Variants in DENND5A observed in about 807,000 individuals in gnomAD.
The protein encoded by DENND5A is DENN domain-containing protein 5A.
DENND5A carries 64 observed loss-of-function variants against 140.3 expected under a neutral mutation model. The ratio of observed to expected loss-of-function variants is 0.46; its 90% confidence interval spans 0.37 to 0.56. The LOEUF (loss-of-function observed/expected upper bound fraction) is 0.56. Ranked by LOEUF, DENND5A falls within the 20% of genes least tolerant of loss-of-function variation. The probability of loss-of-function intolerance (pLI) is 0.00; values close to 1 mark genes in which losing one functional copy is unlikely to be tolerated. For missense variants in DENND5A, 1,292 were observed against 1,593.8 expected, an observed-to-expected ratio of 0.81 and a Z score of 3.22; for synonymous variants, 605 against 607.7, an observed-to-expected ratio of 1.00 and a Z score of 0.07.
rs1590204965 is a variant in DENND5A, at chr11:9,145,769, G to GC, written c.2903dup (p.Ser969LeufsTer17). ...TCCATGGGTTGGCAGTGAACATGGA[G>GC]CCCCCCAGCTTCTTGCTTGGTACGA... On this transcript the variant is annotated frameshift_variant, in exon 17 of 23. Transcript: ENST00000328194. LOFTEE classifies it high-confidence loss of function. 1 of 1,614,128 alleles carries GC rather than the reference G, an allele frequency of 6.2e-7. No individual in the cohort carries two copies. The highest frequency in any genetic ancestry group is 8.5e-7 in the Non-Finnish European group (1 of 1,180,006).
At position 9,257,670 on chromosome 11, in the gene DENND5A, G is replaced by T. The variant is rs1336546328; in HGVS notation, c.109+7291C>A. Among the ~76,000 whole-genome samples, 40 of 151,418 alleles carry T rather than the reference G, an allele frequency of 2.6e-4. 1 individual carries two copies. The highest frequency in any genetic ancestry group is 8.7e-4 in the African/African-American group (36 of 41,314). On this transcript the variant is annotated intron_variant, in intron 1 of 22. Coordinates refer to ENST00000328194, the MANE Select transcript of DENND5A (RefSeq NM_015213.4). ...CTAATTTTTTTGAATTTTTAGTAGA[G>T]ACAGGGTTTCACCGTGTTAGCCAGG...
chr11:9,197,220 G>A (rs991742355), intron 4 of DENND5A, among the ~76,000 whole-genome samples: 4 of 151,320 alleles, frequency 2.6e-5, no homozygotes, highest in Non-Finnish European at 5.9e-5. Flanking sequence ...CAGAAGAATC[G>A]TTTGAACCCG....
chr11:9,200,025 A>G (rs745447507), intron 4 of DENND5A, among the ~76,000 whole-genome samples: 1 of 152,212 alleles, frequency 6.6e-6, no homozygotes, highest in Non-Finnish European at 1.5e-5. Context: ...GTTAAATTCA[A>G]TTCTACATAC....
At chr11:9,197,019 A>G (rs1323466884) in intron 4 of DENND5A, among the ~76,000 whole-genome samples, 2 of 151,892 alleles carry the variant, frequency 1.3e-5, no homozygotes, top group Admixed American at 6.6e-5. Context: ...AAAATAGTAC[A>G]TTAGGCCAGG....
intron 5 of DENND5A, among the ~76,000 whole-genome samples, chr11:9,191,809 A>C (rs1287547990): frequency 6.6e-6 from 1 of 152,142 alleles, no homozygotes; most frequent in South Asian, 2.1e-4. Context: ...ACCTTCAACA[A>C]TTTTTTGTTA....
At chr11:9,202,436 T>C (rs1433691913) in intron 4 of DENND5A, among the ~76,000 whole-genome samples, 1 of 152,206 alleles carries the variant, frequency 6.6e-6, no homozygotes, top group South Asian at 2.1e-4. Context: ...GGTTCAGTTA[T>C]GTTCACACAC....
chr11:9,263,247 G>C (rs1852286171), intron 1 of DENND5A, among the ~76,000 whole-genome samples: 1 of 151,096 alleles, frequency 6.6e-6, no homozygotes, highest in African/African-American at 2.4e-5. Context: ...TTATCACCCA[G>C]ACTGGAGTGT....
intron 16 of DENND5A, 65 bp from the exon 17 acceptor site, chr11:9,145,880 T>C: frequency 6.5e-7 from 1 of 1,535,394 alleles, no homozygotes; most frequent in African/African-American, 1.4e-5. Context: ...CAGATGGGAC[T>C]CTGACCTGCT....
chr11:9,140,104 T>C, intron 22 of DENND5A: 1 of 1,388,066 alleles, frequency 7.2e-7, no homozygotes, highest in Non-Finnish European at 9.7e-7. Flanking sequence ...TCCCTCGCCC[T>C]GCCTAGTCAG....
chr11:9,146,920 AAAGTAC>A, intron 16 of DENND5A, 104 bp downstream of exon 16: 1 of 1,301,052 alleles, frequency 7.7e-7, no homozygotes, highest in Non-Finnish European at 1.1e-6. Flanking sequence ...AGACAAATAG[AAAGTAC>A]AAGGGATAAT....
At chr11:9,206,462 C>G (rs1441248153) in intron 3 of DENND5A, among the ~76,000 whole-genome samples, 3 of 152,134 alleles carry the variant, frequency 2.0e-5, no homozygotes, top group Non-Finnish European at 4.4e-5. Context: ...TCTGACACAA[C>G]AGAAACACAT....
intron 1 of DENND5A, among the ~76,000 whole-genome samples, chr11:9,253,533 C>G (rs190582059): frequency 1.2e-4 from 18 of 152,064 alleles, no homozygotes; most frequent in African/African-American, 4.1e-4. Context: ...GAGGCTGAGT[C>G]GGGAGTATCA....
At chr11:9,247,072 T>C (rs1226213857) in intron 1 of DENND5A, among the ~76,000 whole-genome samples, 1 of 151,604 alleles carries the variant, frequency 6.6e-6, no homozygotes, top group Non-Finnish European at 1.5e-5. Flanking sequence ...TACTAAAAAA[T>C]AGAAAAAATT....
intron 9 of DENND5A, 88 bp from the exon 10 acceptor site, chr11:9,170,037 G>A (rs894851409): frequency 1.3e-5 from 13 of 1,002,146 alleles, no homozygotes; most frequent in African/African-American, 6.4e-5. Flanking sequence ...GAATGACTAC[G>A]AGTCAATGCT....
At chr11:9,185,437 T>C (rs1848877477) in intron 5 of DENND5A, among the ~76,000 whole-genome samples, 1 of 152,230 alleles carries the variant, frequency 6.6e-6, no homozygotes, top group Admixed American at 6.5e-5. Flanking sequence ...TAAATAGCTC[T>C]TCCTTGAGTG....
intron 1 of DENND5A, among the ~76,000 whole-genome samples, chr11:9,237,746 G>A (rs1851061953): frequency 6.6e-6 from 1 of 152,020 alleles, no homozygotes; most frequent in Non-Finnish European, 1.5e-5. Context: ...AGCCGGGCGT[G>A]GTGGCAAGCA....
chr11:9,263,537 A>AT (rs904801547), intron 1 of DENND5A, among the ~76,000 whole-genome samples: 10 of 145,412 alleles, frequency 6.9e-5, no homozygotes, highest in Non-Finnish European at 1.1e-4. Context: ...GCCCCGCCTA[A>AT]TTTTTTTTTC....
intron 4 of DENND5A, 109 bp from the exon 5 acceptor site, chr11:9,193,790 G>A (rs1012653640): frequency 6.7e-5 from 66 of 981,304 alleles, no homozygotes; most frequent in Non-Finnish European, 8.7e-5. Context: ...ATTTAGAAAC[G>A]ATCACGATAA....
intron 1 of DENND5A, 86 bp downstream of exon 1, chr11:9,264,875 A>C (rs905069096): frequency 2.4e-6 from 3 of 1,240,302 alleles, no homozygotes; most frequent in Admixed American, 2.2e-5. Context: ...GGCTCCCGGG[A>C]CAAAGCGGGG....
Sources: allele counts gnomAD v4.1 joint callset (sites outside exome capture counted in the v4.1 genomes callset), GRCh38; gene constraint gnomAD v4.1.1; transcripts MANE v1.5; gene names NCBI Gene and HGNC (gene_info 2026-07-23, HGNC 2026-07-21).